Variants in SMG6 observed in about 807,000 individuals in gnomAD.
SMG6 encodes telomerase-binding protein EST1A.
Under a neutral mutation model 142.2 loss-of-function variants are expected in SMG6, and 66 were observed. The ratio of observed to expected loss-of-function variants is 0.46; its 90% CI spans 0.38 to 0.57. The LOEUF (loss-of-function observed/expected upper bound fraction) is 0.57, where lower values mean the gene tolerates loss of function less well. SMG6 is among the 20% of genes least tolerant of loss of function. The pLI is 0.00. For missense variants in SMG6, 1,793 were observed against 1,832.0 expected, an observed-to-expected ratio of 0.98 and a Z score of 0.39; for synonymous variants, 779 against 702.4, an observed-to-expected ratio of 1.11 and a Z score of -1.72.
chr17:2,130,237 G>A (rs1264189853), intron 13 of SMG6, among the ~76,000 whole-genome samples: 11 of 108,578 alleles, frequency 1.0e-4, no homozygotes, highest in East Asian at 7.3e-4. Flanking sequence ...TCCGCAGTCC[G>A]GCCTGGGCGA....
chr17:2,068,447 TGA>T lies in SMG6; in HGVS notation c.3835+329_3835+330del, dbSNP rs2068007836. Reference sequence around the variant, plus strand: ...CAGCACTGCCGTTATCTGCCAGGGCTGAGTGTTTACCAATAACGGGAACCAGC... The same window carrying T: ...CAGCACTGCCGTTATCTGCCAGGGCTGTGTTTACCAATAACGGGAACCAGC... On this transcript the variant is annotated intron_variant, in intron 16 of 18. Transcript: ENST00000263073. This position sits in a 1 kb window ranked among gnomAD's most constrained non-coding sequence, Gnocchi z 6.7. Among the ~76,000 whole-genome samples the T allele has an allele frequency of 6.6e-6, 1 of 152,224 alleles. No homozygotes were observed. Among genetic ancestry groups the T allele is most frequent in the Non-Finnish European group, 1.5e-5 (1 of 68,036 alleles).
At chr17:2,258,686 T>G (rs1443656361) in intron 8 of SMG6, among the ~76,000 whole-genome samples, 1 of 151,392 alleles carries the variant, frequency 6.6e-6, no homozygotes, top group Non-Finnish European at 1.5e-5. Flanking sequence ...TAGTCCCAGC[T>G]ACTCTATGGG....
intron 12 of SMG6, among the ~76,000 whole-genome samples, chr17:2,178,611 G>A (rs1277345984): frequency 2.6e-5 from 4 of 152,174 alleles, no homozygotes; most frequent in East Asian, 1.9e-4. Context: ...CAGTAACCTC[G>A]TTCCAGGATT....
Position 2,065,582 on chromosome 17 carries a change from G to A in SMG6, c.3933C>T (p.Ile1311=), listed in dbSNP as rs541214821. 7 of 1,614,118 alleles carry A rather than the reference G, an allele frequency of 4.3e-6. No homozygotes were observed. In the Admixed American group the frequency reaches 8.3e-5, roughly 19 times the overall value. The change falls in exon 17 of 19, where the codon ATC becomes ATT. Residue 1311 remains isoleucine, a synonymous_variant. Transcript: ENST00000263073. ...TCTCGAATCGCTGCTCGAGGAACTC[G>A]ATGGACTTGCGGGCCTTCTCTTGTA... ...RVVQEKARKS[I]EFLEQRFESR... is the part of the protein sequence containing the mutation.
In SMG6 at chr17:2,061,479, C is replaced by A; in HGVS notation, c.*13G>T. The A allele has an allele frequency of 6.4e-7, 1 of 1,567,800 alleles. No homozygotes were observed. Among genetic ancestry groups the A allele is most frequent in the Non-Finnish European group, 8.6e-7 (1 of 1,158,102 alleles). On this transcript the variant is annotated 3_prime_UTR_variant, in exon 19 of 19. Coordinates refer to ENST00000263073, the MANE Select transcript of SMG6 (RefSeq NM_017575.5). The stretch of plus-strand genomic sequence containing the variant: ...GAACGGTTCCACGGGGGGGGGGCCC[C>A]AGTGTGGCTCCCTCAGCCCACCTGG...
At chr17:2,147,179 G>A (rs1330259939) in intron 13 of SMG6, among the ~76,000 whole-genome samples, 1 of 152,132 alleles carries the variant, frequency 6.6e-6, no homozygotes, top group African/African-American at 2.4e-5. Flanking sequence ...GATCATTTGA[G>A]GTCAGGAGTT....
At chr17:2,078,993 T>C (rs2068336409) in intron 15 of SMG6, among the ~76,000 whole-genome samples, 1 of 152,206 alleles carries the variant, frequency 6.6e-6, no homozygotes, top group Non-Finnish European at 1.5e-5. Flanking sequence ...AGATGGAGTC[T>C]TGCTCTGTTG....
chr17:2,099,407 G>C (rs1477317786), intron 13 of SMG6, among the ~76,000 whole-genome samples: 3 of 151,956 alleles, frequency 2.0e-5, no homozygotes, highest in Non-Finnish European at 4.4e-5. Context: ...ACTCCATGGA[G>C]GCTGTTGTAC....
In SMG6 at chr17:2,300,238, A is replaced by G; in HGVS notation, c.515T>C (p.Val172Ala). Residue 172 changes from valine to alanine, a missense_variant, in exon 2 of 19, where the codon GTA (valine) becomes GCA (alanine). Coordinates refer to ENST00000263073, the MANE Select transcript of SMG6 (RefSeq NM_017575.5). ...RVEEEEVLNQVEQLRVEEDEC... is the reference protein window; with the variant it reads ...RVEEEEVLNQAEQLRVEEDEC... ...ATCTTCCTCTACTCTCAGTTGTTCTACCTGGTTGAGGACTTCTTCCTCCTC... is the reference window on the plus strand; with the variant it reads ...ATCTTCCTCTACTCTCAGTTGTTCTGCCTGGTTGAGGACTTCTTCCTCCTC... The G allele has an allele frequency of 1.2e-6, 2 of 1,613,868 alleles. No individual in the cohort carries two copies. Among genetic ancestry groups the G allele is most frequent in the Non-Finnish European group, 1.7e-6 (2 of 1,179,980 alleles).
chr17:2,086,705 C>T (rs929277979), intron 13 of SMG6, among the ~76,000 whole-genome samples: 2 of 152,202 alleles, frequency 1.3e-5, no homozygotes, highest in Non-Finnish European at 2.9e-5. Flanking sequence ...CACCGTCCCC[C>T]AGTCTGGGCC....
chr17:2,266,112 C>A lies in SMG6; in HGVS notation c.2661+16535G>T, dbSNP rs2074418218. On this transcript the variant is annotated intron_variant, in intron 8 of 18. Transcript: ENST00000263073. ...CTTTCTGTTCACCATGCGTGCCACT[C>A]AAAGTCTTTTACAATTATTGCTGTT... is the stretch of plus-strand genomic sequence containing the variant. The A allele has an allele frequency of 2.4e-5, 24 of 985,302 alleles. No homozygotes were observed. In the South Asian group the frequency reaches 4.2e-4, roughly 17 times the overall value. 61.0% of individuals were successfully genotyped at this position (985,302 alleles called of 1,614,324 possible). A position where few individuals can be genotyped will look rare whatever the true frequency, so the allele number is the denominator to read the frequency against.
intron 12 of SMG6, among the ~76,000 whole-genome samples, chr17:2,174,089 T>C (rs568742029): frequency 2.1e-4 from 32 of 152,180 alleles, no homozygotes; most frequent in Admixed American, 3.3e-4. Context: ...AGAGGCAATA[T>C]GTAAAGAGAG....
intron 13 of SMG6, among the ~76,000 whole-genome samples, chr17:2,158,370 T>G (rs1031329549): frequency 1.3e-5 from 2 of 152,216 alleles, no homozygotes; most frequent in Admixed American, 6.5e-5. Context: ...AAAAAAGTAT[T>G]GCTAGATAAG....
In SMG6 at chr17:2,284,261, C is replaced by T. The variant is rs571469764; in HGVS notation, c.2338-526G>A. Among the ~76,000 whole-genome samples the T allele has an allele frequency of 7.2e-5, 11 of 152,082 alleles. No individual in the cohort carries two copies. The South Asian group carries it at 1.7e-3, about 23-fold the overall frequency. ...AACATTACAATGGGAGTAATAATAC[C>T]CAATGGAGGAGTATCCTCAGGTTTA... On this transcript the variant is annotated intron_variant, in intron 6 of 18. Transcript: ENST00000263073.
intron 7 of SMG6, 143 bp downstream of exon 7, chr17:2,283,482 G>T: frequency 1.5e-6 from 1 of 679,406 alleles, no homozygotes; most frequent in Admixed American, 2.3e-5. Flanking sequence ...CATTCCCCGA[G>T]GACACACAGA....
intron 12 of SMG6, among the ~76,000 whole-genome samples, chr17:2,173,414 C>A (rs2071565685): frequency 6.6e-6 from 1 of 152,222 alleles, no homozygotes; most frequent in African/African-American, 2.4e-5. Context: ...CAACCAATCA[C>A]ACAAACAAAC....
At chr17:2,177,850 T>C (rs1597531038) in intron 12 of SMG6, among the ~76,000 whole-genome samples, 1 of 152,158 alleles carries the variant, frequency 6.6e-6, no homozygotes, top group African/African-American at 2.4e-5. Context: ...GACAAATGGC[T>C]GTAACAAGAG....
chr17:2,093,917 A>C (rs1431890216), intron 13 of SMG6, among the ~76,000 whole-genome samples: 2 of 151,774 alleles, frequency 1.3e-5, no homozygotes, highest in Non-Finnish European at 2.9e-5. Context: ...TCAGGGCCTG[A>C]AATATTTTAT....
At chr17:2,291,318 G>C (rs555394201) in intron 6 of SMG6, among the ~76,000 whole-genome samples, 1 of 150,934 alleles carries the variant, frequency 6.6e-6, no homozygotes, top group Non-Finnish European at 1.5e-5. Flanking sequence ...GCGACAGAGC[G>C]AGACTCCGTC....
Sources: allele counts gnomAD v4.1 joint callset (sites outside exome capture counted in the v4.1 genomes callset), GRCh38; gene constraint gnomAD v4.1.1; non-coding constraint Gnocchi (gnomAD v3.1); transcripts MANE v1.5; gene names NCBI Gene and HGNC (gene_info 2026-07-23, HGNC 2026-07-21).